CEMIP: variants seen among roughly 807,000 people sequenced by gnomAD.
The protein encoded by CEMIP is cell migration inducing hyaluronidase 1.
CEMIP carries 105 observed loss-of-function variants against 156.9 expected under a neutral mutation model. The observed-to-expected ratio is 0.67, with a 90% CI of 0.57 to 0.79. CEMIP has a LOEUF of 0.79. Among genes scored for constraint, CEMIP ranks in the 30% least tolerant of loss-of-function variants. CEMIP has a pLI of 0.00. For synonymous variants in CEMIP, 676 were observed against 668.4 expected, an observed-to-expected ratio of 1.01 and a Z score of -0.17; for missense variants, 1,457 against 1,769.4, an observed-to-expected ratio of 0.82 and a Z score of 3.17.
Position 80,906,685 on chromosome 15 carries a change from C to A in CEMIP, c.1434C>A (p.Ile478=), listed in dbSNP as rs202093898. 6.2e-7 allele frequency: 1 copy of A among 1,613,722 alleles called. No individual in the cohort carries two copies. The highest frequency in any genetic ancestry group is 8.5e-7 in the Non-Finnish European group (1 of 1,179,826). The change falls in exon 13 of 30, where the codon ATC becomes ATA. Residue 478 remains isoleucine (I), a synonymous_variant. Transcript: ENST00000394685. This position sits in a 1 kb window ranked among gnomAD's most constrained non-coding sequence, Gnocchi z 4.3. Reference sequence around the variant, plus strand: ...TAGGGAAACCAATGTACCTGCACATCGGGGAGGAGATAGACGGCGTGGACA... The same window carrying A: ...TAGGGAAACCAATGTACCTGCACATAGGGGAGGAGATAGACGGCGTGGACA... ...KVAGKPMYLH[I]GEEIDGVDMR... is the part of the protein sequence containing the mutation.
intron 28 of CEMIP, 114 bp downstream of exon 28, chr15:80,943,216 C>CTGTGG: frequency 1.8e-6 from 2 of 1,116,540 alleles, no homozygotes; most frequent in Non-Finnish European, 1.4e-6. Flanking sequence ...AAAGCTCAGG[C>CTGTGG]AGTCTCCACA....
rs777253693 is a variant in CEMIP, at chr15:80,936,690, A to AC, written c.3027dup (p.Lys1010GlnfsTer4). 6.2e-7 allele frequency: 1 copy of AC among 1,613,980 alleles called. No homozygotes were observed. On this transcript the variant is annotated frameshift_variant, in exon 24 of 30. Transcript: ENST00000394685. LOFTEE classifies it high-confidence loss of function. ...TTTTAAAAGATGTACATTCAAGCCT[A>AC]CAAGACCAGTAACCTGCGAATGAAG...
intron 1 of CEMIP, among the ~76,000 whole-genome samples, chr15:80,789,379 A>G (rs1238419419): frequency 4.6e-5 from 7 of 152,054 alleles, no homozygotes; most frequent in African/African-American, 1.4e-4. Context: ...AGAGGGCAGG[A>G]ATTGTGGTGC....
chr15:80,945,650 C>T (rs1476659434), intron 28 of CEMIP, among the ~76,000 whole-genome samples: 1 of 152,186 alleles, frequency 6.6e-6, no homozygotes, highest in African/African-American at 2.4e-5. Flanking sequence ...TCCCGCTGTT[C>T]CCAGTGGGAC....
rs915606175 is a variant in CEMIP at position 80,932,499 on chromosome 15, G to T, written c.2793+460G>T. ...AACAGAGGCCTCCTTGCCCTAGACAGAGAAGGCAGAAGAGGGGCGGAGGAT... is the reference window on the plus strand; with the variant it reads ...AACAGAGGCCTCCTTGCCCTAGACATAGAAGGCAGAAGAGGGGCGGAGGAT... On this transcript the variant is annotated intron_variant, in intron 22 of 29. Coordinates refer to ENST00000394685, the MANE Select transcript of CEMIP (RefSeq NM_001293298.2). This position sits in a 1 kb window ranked among gnomAD's most constrained non-coding sequence, Gnocchi z 4.5. Among the ~76,000 whole-genome samples, 1 of 152,156 alleles carries T rather than the reference G, an allele frequency of 6.6e-6. No homozygotes were observed. Among genetic ancestry groups the T allele is most frequent in the South Asian group, 2.1e-4 (1 of 4,826 alleles).
At chr15:80,900,215 C>T (rs1475895611) in intron 12 of CEMIP, among the ~76,000 whole-genome samples, 1 of 152,204 alleles carries the variant, frequency 6.6e-6, no homozygotes, top group East Asian at 1.9e-4. Context: ...GCATTTCTGC[C>T]TCAGCCTACA....
chr15:80,928,838 T>G (rs930130868), intron 19 of CEMIP, 64 bp from the exon 20 acceptor site: 106 of 1,603,318 alleles, frequency 6.6e-5, no homozygotes, highest in South Asian at 1.1e-4. Context: ...TGTCCTTCTC[T>G]CCACGACTCC....
intron 29 of CEMIP, chr15:80,947,414 A>C (rs2141761074): frequency 6.4e-6 from 2 of 312,058 alleles, no homozygotes; most frequent in South Asian, 6.6e-5. Context: ...TGCTATTCAG[A>C]CTGGCCAGGG....
chr15:80,786,705 A>G (rs532002888), intron 1 of CEMIP, among the ~76,000 whole-genome samples: 1 of 152,266 alleles, frequency 6.6e-6, no homozygotes, highest in South Asian at 2.1e-4. Flanking sequence ...ATGGAGGACC[A>G]GTGAGAAGGG....
chr15:80,880,518 C>A (rs1057303923), intron 5 of CEMIP, among the ~76,000 whole-genome samples: 1 of 152,170 alleles, frequency 6.6e-6, no homozygotes, highest in Non-Finnish European at 1.5e-5. Flanking sequence ...TTCACCACAA[C>A]CTCTGCCTCC....
At chr15:80,831,009 C>T (rs897882910) in intron 1 of CEMIP, among the ~76,000 whole-genome samples, 1 of 152,168 alleles carries the variant, frequency 6.6e-6, no homozygotes, top group Non-Finnish European at 1.5e-5. Context: ...CTGGAGTTCA[C>T]ATGTAGGCAG....
At chr15:80,896,869 G>A (rs947411268) in intron 12 of CEMIP, among the ~76,000 whole-genome samples, 1 of 152,232 alleles carries the variant, frequency 6.6e-6, no homozygotes, top group Non-Finnish European at 1.5e-5. Flanking sequence ...AGGGAACAGG[G>A]TAGCTTCTGG....
At chr15:80,866,490 G>T (rs1898129186) in intron 1 of CEMIP, among the ~76,000 whole-genome samples, 2 of 152,092 alleles carry the variant, frequency 1.3e-5, no homozygotes. Flanking sequence ...TACTGGGGAG[G>T]CTGAGGCAGA....
chr15:80,825,235 A>AGTGT (rs113366050), intron 1 of CEMIP, among the ~76,000 whole-genome samples: 20 of 150,946 alleles, frequency 1.3e-4, no homozygotes, highest in African/African-American at 3.9e-4. Context: ...ACCACTATGA[A>AGTGT]GTGTGTGTGT....
At chr15:80,841,055 A>T (rs753624411) in intron 1 of CEMIP, among the ~76,000 whole-genome samples, 6 of 152,046 alleles carry the variant, frequency 3.9e-5, no homozygotes, top group South Asian at 2.1e-4. Flanking sequence ...CTCCCCTCTC[A>T]TCTTGTCCTC....
intron 1 of CEMIP, among the ~76,000 whole-genome samples, chr15:80,809,715 A>G (rs910572762): frequency 6.6e-6 from 1 of 152,140 alleles, no homozygotes; most frequent in Non-Finnish European, 1.5e-5. Flanking sequence ...CCTTTCTTGT[A>G]GTTTGCTGAA....
intron 1 of CEMIP, among the ~76,000 whole-genome samples, chr15:80,829,191 T>C (rs1419110155): frequency 1.3e-5 from 2 of 152,188 alleles, no homozygotes; most frequent in Non-Finnish European, 2.9e-5. Context: ...TTGAAATACC[T>C]GTCACCGCCC....
intron 1 of CEMIP, among the ~76,000 whole-genome samples, chr15:80,792,369 C>G (rs1486759209): frequency 6.6e-6 from 1 of 152,182 alleles, no homozygotes; most frequent in Admixed American, 6.5e-5. Flanking sequence ...AATATTAGAG[C>G]TGGTGTAATA....
chr15:80,896,375 GA>G (rs1899225187), intron 12 of CEMIP: 1 of 525,210 alleles, frequency 1.9e-6, no homozygotes, highest in Admixed American at 2.2e-5. Flanking sequence ...GTGGTGAGCA[GA>G]AACACAGAAC....
Sources: allele counts gnomAD v4.1 joint callset (sites outside exome capture counted in the v4.1 genomes callset), GRCh38; gene constraint gnomAD v4.1.1; non-coding constraint Gnocchi (gnomAD v3.1); transcripts MANE v1.5; gene names NCBI Gene and HGNC (gene_info 2026-07-23, HGNC 2026-07-21).